The following RASSF3 variants were observed in gnomAD, a reference collection of about 807,000 sequenced individuals.
RASSF3 encodes ras association domain-containing protein 3.
Under a neutral mutation model 19.9 loss-of-function variants are expected in RASSF3, and 19 were observed. That is an observed-to-expected ratio of 0.96 (90% confidence interval 0.67 to 1.40). The LOEUF is 1.40. RASSF3 is among the 40% of genes most tolerant of loss of function. The pLI is 0.00. For synonymous variants in RASSF3, 110 were observed against 104.2 expected, an observed-to-expected ratio of 1.06 and a Z score of -0.34; for missense variants, 306 against 289.8, an observed-to-expected ratio of 1.06 and a Z score of -0.41.
At position 64,691,032 on chromosome 12, in the gene RASSF3, T is replaced by C. The variant is rs534801817; in HGVS notation, c.458-438T>C. On this transcript the variant is annotated intron_variant, in intron 3 of 4. Transcript: ENST00000542104. ...CCCGCCACCACGCCCGGCTGATTTT[T>C]TGTATTTTTAGTAGAGACAGGGTTT... Among the ~76,000 whole-genome samples, 473 of 152,130 alleles carry C rather than the reference T, an allele frequency of 3.1e-3. 2 individuals are homozygous for C. The highest frequency in any genetic ancestry group is 5.8e-3 in the Non-Finnish European group (395 of 67,986).
chr12:64,517,535 A>G (rs969418365), intron 1 of RASSF3, among the ~76,000 whole-genome samples: 1 of 152,160 alleles, frequency 6.6e-6, no homozygotes, highest in African/African-American at 2.4e-5. Flanking sequence ...GATAAGAGAG[A>G]GAACAGGTTG....
intron 2 of RASSF3, among the ~76,000 whole-genome samples, chr12:64,685,917 C>T (rs1592470546): frequency 6.6e-6 from 1 of 152,214 alleles, no homozygotes; most frequent in East Asian, 1.9e-4. Flanking sequence ...GCACTTGGAT[C>T]CCCGTCTCTC....
chr12:64,604,471 C>A (rs535786063), intron 2 of RASSF3, among the ~76,000 whole-genome samples: 56 of 151,692 alleles, frequency 3.7e-4, no homozygotes, highest in Non-Finnish European at 7.9e-4. Flanking sequence ...AACACATTGC[C>A]TTTCAGTTAT....
Position 64,695,495 on chromosome 12 carries a change from T to C in RASSF3, c.*583T>C. ...TAAGTTTGGAAGAAGGCATGTGCGG[T>C]GGTGGCGAGTGCTGCGGGCTATGGA... is the stretch of plus-strand genomic sequence containing the variant. On this transcript the variant is annotated 3_prime_UTR_variant, in exon 5 of 5. Coordinates refer to ENST00000542104, the MANE Select transcript of RASSF3 (RefSeq NM_178169.4). 1 of 153,088 alleles carries C rather than the reference T, an allele frequency of 6.5e-6. No homozygotes were observed. Among genetic ancestry groups the C allele is most frequent in the Non-Finnish European group, 1.5e-5 (1 of 68,280 alleles). 9.5% of individuals were successfully genotyped at this position (153,088 alleles called of 1,614,324 possible).
chr12:64,585,301 C>T lies in RASSF3; in HGVS notation c.294+43596C>T, dbSNP rs888337762. Among the ~76,000 whole-genome samples the T allele has an allele frequency of 6.6e-5, 10 of 152,304 alleles. No homozygotes were observed. The South Asian group carries it at 2.1e-3, about 32-fold the overall frequency. On this transcript the variant is annotated intron_variant, in intron 2 of 5. Transcript: ENST00000637125. Reference sequence around the variant, plus strand: ...AGGCCCTCATGATCTAGCCACCACGCCTGGCCCAGAAGGATTCTTGGAACT... The same window carrying T: ...AGGCCCTCATGATCTAGCCACCACGTCTGGCCCAGAAGGATTCTTGGAACT...
At chr12:64,552,767 A>G (rs1286189772) in intron 2 of RASSF3, among the ~76,000 whole-genome samples, 2 of 152,154 alleles carry the variant, frequency 1.3e-5, no homozygotes, top group Non-Finnish European at 2.9e-5. Flanking sequence ...TCCTTTATCC[A>G]GTCTATCATT....
At chr12:64,568,535 C>A (rs1869469061) in intron 2 of RASSF3, among the ~76,000 whole-genome samples, 1 of 152,126 alleles carries the variant, frequency 6.6e-6, no homozygotes, top group East Asian at 1.9e-4. Context: ...GGCGGCAATT[C>A]CTTCTTCCCC....
chr12:64,661,526 T>C (rs981196541), intron 1 of RASSF3, among the ~76,000 whole-genome samples: 1 of 151,982 alleles, frequency 6.6e-6, no homozygotes, highest in Non-Finnish European at 1.5e-5. Flanking sequence ...AATGTGATGC[T>C]CACACAACCC....
At position 64,653,077 on chromosome 12, in the gene RASSF3, C is replaced by T. The variant is rs568644330; in HGVS notation, c.112-31710C>T. 9.9e-5 allele frequency among the ~76,000 whole-genome samples: 15 copies of T among 152,244 alleles called. No homozygotes were observed. In the South Asian group the frequency reaches 2.5e-3, roughly 25 times the overall value. On this transcript the variant is annotated intron_variant, in intron 1 of 4. Coordinates refer to ENST00000542104, the MANE Select transcript of RASSF3 (RefSeq NM_178169.4). ...GTACATGTCTGTGTCCGAATTTCCC[C>T]TTCTCTTTTGAGATAGGGTCTCACT...
At position 64,547,884 on chromosome 12, in the gene RASSF3, C is replaced by T. The variant is rs141288552; in HGVS notation, c.294+6179C>T. Among the ~76,000 whole-genome samples, 596 of 152,168 alleles carry T rather than the reference C, an allele frequency of 3.9e-3. 5 individuals carry two copies. Among genetic ancestry groups the T allele is most frequent in the African/African-American group, 0.013 (556 of 41,520 alleles). On this transcript the variant is annotated intron_variant, in intron 2 of 5. Transcript: ENST00000637125. The stretch of plus-strand genomic sequence containing the variant: ...GAAAATGTAAAAAGGTTAAGAAAAA[C>T]GTTAAAATTGCCTATAATCCCACCA...
upstream of RASSF3, among the ~76,000 whole-genome samples, chr12:64,529,171 C>A (rs143651248): frequency 7.0e-4 from 107 of 152,240 alleles, 1 homozygote; most frequent in East Asian, 0.015. Flanking sequence ...AATACTTAGA[C>A]CTTAAATGTC....
rs796182763 is a variant in RASSF3, at chr12:64,648,520, C to CT, written c.112-36254dup. On this transcript the variant is annotated intron_variant, in intron 1 of 4. Coordinates refer to ENST00000542104, the MANE Select transcript of RASSF3 (RefSeq NM_178169.4). ...TGTGGTGTCAGAATCACTCATAAAG[C>CT]TTTTTTTTTTTTTGAGATGGAGCAC... 5.5e-3 allele frequency among the ~76,000 whole-genome samples: 786 copies of CT among 143,418 alleles called. 5 individuals carry two copies. Among genetic ancestry groups the CT allele is most frequent in the Middle Eastern group, 0.011 (3 of 278 alleles). The allele number at this position is 143,418 out of a possible 152,430, so 94.1% of individuals were successfully genotyped here. A position where few individuals can be genotyped will look rare whatever the true frequency, so the allele number is the denominator to read the frequency against.
intron 2 of RASSF3, among the ~76,000 whole-genome samples, chr12:64,591,906 GTT>G (rs527640122): frequency 6.3e-5 from 9 of 142,930 alleles, no homozygotes; most frequent in East Asian, 2.0e-4. Context: ...TTCGGTTGCT[GTT>G]TTTTTTTTTT....
chr12:64,609,157 C>G (rs1239543835), upstream of RASSF3, among the ~76,000 whole-genome samples: 5 of 152,152 alleles, frequency 3.3e-5, no homozygotes, highest in African/African-American at 1.2e-4. Context: ...AACTCTTCCT[C>G]CTGTAGTCCA....
intron 4 of RASSF3, 84 bp from the exon 5 acceptor site, chr12:64,694,678 GC>G: frequency 1.4e-6 from 2 of 1,459,762 alleles, no homozygotes; most frequent in South Asian, 2.4e-5. Flanking sequence ...GAGGGCAGCC[GC>G]ACCTCTGGGA....
chr12:64,613,236 T>C (rs1224855742), intron 1 of RASSF3, among the ~76,000 whole-genome samples: 2 of 152,204 alleles, frequency 1.3e-5, no homozygotes, highest in African/African-American at 2.4e-5. Context: ...TGCTGATGAT[T>C]ATAAGAATAA....
chr12:64,582,012 G>A (rs1030670453), intron 2 of RASSF3, among the ~76,000 whole-genome samples: 1 of 151,926 alleles, frequency 6.6e-6, no homozygotes, highest in Non-Finnish European at 1.5e-5. Context: ...GGGACTACAG[G>A]CATGCCCCAC....
chr12:64,574,661 T>C (rs1869568947), intron 2 of RASSF3, among the ~76,000 whole-genome samples: 1 of 152,214 alleles, frequency 6.6e-6, no homozygotes, highest in African/African-American at 2.4e-5. Context: ...CTGCCTAAGC[T>C]GCTCCTTCTG....
intron 1 of RASSF3, among the ~76,000 whole-genome samples, chr12:64,681,034 T>C (rs1245001918): frequency 6.6e-6 from 1 of 152,218 alleles, no homozygotes; most frequent in Non-Finnish European, 1.5e-5. Context: ...TCTTTGGATT[T>C]TCCTCAAGCT....
Sources: gnomAD v4.1 joint callset for allele counts (sites outside exome capture counted in the v4.1 genomes callset) on GRCh38, gnomAD v4.1.1 for gene constraint, MANE v1.5 for transcripts, NCBI Gene and HGNC (gene_info 2026-07-23, HGNC 2026-07-21) for gene names.